Variants in OOSP2 observed in about 807,000 individuals in gnomAD.
The protein encoded by OOSP2 is oocyte-secreted protein 2.
OOSP2 carries 7 observed loss-of-function variants against 13.4 expected under a neutral mutation model. The ratio of observed to expected loss-of-function variants is 0.52; its 90% CI spans 0.30 to 0.98. OOSP2 has a LOEUF of 0.98. OOSP2 is among the 50% of genes least tolerant of loss of function. The pLI is 0.07. For synonymous variants in OOSP2, 75 were observed against 67.2 expected, an observed-to-expected ratio of 1.12 and a Z score of -0.57; for missense variants, 184 against 188.5, an observed-to-expected ratio of 0.98 and a Z score of 0.14.
In OOSP2 at chr11:60,043,490, A is replaced by G. The variant is rs779405536; in HGVS notation, c.86A>G (p.Asp29Gly). The change falls in exon 2 of 4, where the codon GAC (aspartate) becomes GGC (glycine). Residue 29 changes from aspartate (D) to glycine (G), a missense_variant. Asp to Gly is a moderately conservative substitution (Grantham distance 94). Transcript: ENST00000278855. ...ACAGTGAAAATAAGTTGCTCTCTGG[A>G]CTGGTTGATGGTCTCAGTTATCCCA... ...NLHVKISCSL[D>G]WLMVSVIPVA... 9 of 1,612,850 alleles carry G rather than the reference A, an allele frequency of 5.6e-6. No homozygotes were observed. Among genetic ancestry groups the G allele is most frequent in the Non-Finnish European group, 6.8e-6 (8 of 1,179,026 alleles).
rs1855020134 is a variant in OOSP2 at position 60,047,221 on chromosome 11, G to A, written c.*148G>A. ...CCTACTTCAGTAAAGGTCCTGATTA[G>A]TTGATTAGTGAATGTGTATTTCTAA... On this transcript the variant is annotated 3_prime_UTR_variant, in exon 4 of 4. Transcript: ENST00000278855. The A allele has an allele frequency of 3.4e-6, 2 of 589,764 alleles. No individual in the cohort carries two copies. The highest frequency in any genetic ancestry group is 3.2e-5 in the Admixed American group (1 of 31,058). 36.5% of individuals were successfully genotyped at this position (589,764 alleles called of 1,614,324 possible). A position where few individuals can be genotyped will look rare whatever the true frequency, so the allele number is the denominator to read the frequency against.
chr11:60,043,775 G>T (rs777818352), intron 2 of OOSP2, 128 bp downstream of exon 2: 2 of 552,296 alleles, frequency 3.6e-6, no homozygotes, highest in Non-Finnish European at 6.5e-6. Flanking sequence ...AGGGGACAAC[G>T]GAATTTATCA....
intron 3 of OOSP2, among the ~76,000 whole-genome samples, chr11:60,046,023 CCTCTGT>C (rs146122045): frequency 6.7e-6 from 1 of 149,998 alleles, no homozygotes; most frequent in Non-Finnish European, 1.5e-5. Context: ...TCTGCCTTTG[CCTCTGT>C]CTCTGTCTGT....
chr11:60,046,957 C>T lies in OOSP2; in HGVS notation c.361C>T (p.Leu121Phe), dbSNP rs1565056433. 1 of 1,610,774 alleles carries T rather than the reference C, an allele frequency of 6.2e-7. No homozygotes were observed. The highest frequency in any genetic ancestry group is 8.5e-7 in the Non-Finnish European group (1 of 1,177,516). ...CCTTTTCTTTAGGAAATCAGTGTGG[C>T]TTACACCAGTTTCTACTGAGAATGA... ...ECSTSRKSVW[L>F]TPVSTENEIK... is the part of the protein sequence containing the mutation. Residue 121 changes from leucine (L) to phenylalanine (F), a missense_variant, in exon 4 of 4, where the codon CTT (leucine) becomes TTT (phenylalanine). Coordinates refer to ENST00000278855, the MANE Select transcript of OOSP2 (RefSeq NM_173801.5).
Position 60,047,127 on chromosome 11 carries a change from A to C in OOSP2, c.*54A>C, listed in dbSNP as rs1855018847. On this transcript the variant is annotated 3_prime_UTR_variant, in exon 4 of 4. Coordinates refer to ENST00000278855, the MANE Select transcript of OOSP2 (RefSeq NM_173801.5). ...GGTGTTATGTATTTTGCAGGAAAACAGTTTCATTTTTTCATAGCAAAAATA... is the reference window on the plus strand; with the variant it reads ...GGTGTTATGTATTTTGCAGGAAAACCGTTTCATTTTTTCATAGCAAAAATA... 6.7e-7 allele frequency: 1 copy of C among 1,492,776 alleles called. No individual in the cohort carries two copies. The highest frequency in any genetic ancestry group is 1.3e-5 in the South Asian group (1 of 79,794). 92.5% of individuals were successfully genotyped at this position (1,492,776 alleles called of 1,614,324 possible).
At chr11:60,045,976 C>T (rs1210377344) in intron 3 of OOSP2, among the ~76,000 whole-genome samples, 1 of 152,052 alleles carries the variant, frequency 6.6e-6, no homozygotes, top group Non-Finnish European at 1.5e-5. Flanking sequence ...CCCTGTTTCT[C>T]TGGCCTGTCT....
rs1484714087 is a variant in OOSP2, at chr11:60,040,445, C to T, written c.-15C>T. 6 of 1,551,680 alleles carry T rather than the reference C, an allele frequency of 3.9e-6. No individual in the cohort carries two copies. The highest frequency in any genetic ancestry group is 1.7e-5 in the Admixed American group (1 of 59,916). On this transcript the variant is annotated 5_prime_UTR_variant, in exon 1 of 4. Transcript: ENST00000278855. ...AGTTGTCCTGTGCTGGAGGTCTGCT[C>T]AGACGAAGGTCTCCATGGCGTTAGA...
At chr11:60,046,912 C>A in intron 3 of OOSP2, 32 bp from the exon 4 acceptor site, 1 of 1,594,358 alleles carries the variant, frequency 6.3e-7, no homozygotes, top group Non-Finnish European at 8.6e-7. Context: ...AGTGCTCCAA[C>A]ACTATCTGCT....
Position 60,043,324 on chromosome 11 carries a change from T to G in OOSP2, c.65-145T>G, listed in dbSNP as rs780208710. The G allele has an allele frequency of 5.3e-4, 261 of 489,636 alleles. 1 individual carries two copies. The highest frequency in any genetic ancestry group is 1.1e-3 in the Middle Eastern group (2 of 1,844). 30.3% of individuals were successfully genotyped at this position (489,636 alleles called of 1,614,324 possible). A position where few individuals can be genotyped will look rare whatever the true frequency, so the allele number is the denominator to read the frequency against. ...TTTTGGAAAATAATTTTAATAATGT[T>G]TGTAAGAAAACCTTTAAGCCATGGT... On this transcript the variant is annotated intron_variant, in intron 1 of 3. Transcript: ENST00000278855.
At chr11:60,046,904 T>G in intron 3 of OOSP2, 40 bp from the exon 4 acceptor site, 1 of 1,577,644 alleles carries the variant, frequency 6.3e-7, no homozygotes, top group Non-Finnish European at 8.7e-7. Flanking sequence ...TGATCCCAAG[T>G]GCTCCAACAC....
At chr11:60,042,973 T>G (rs150614965) in intron 1 of OOSP2, among the ~76,000 whole-genome samples, 4 of 152,008 alleles carry the variant, frequency 2.6e-5, no homozygotes, top group South Asian at 2.1e-4. Context: ...GGCGCGATCT[T>G]GGTTCACTGC....
chr11:60,046,057 T>TC (rs1855003177), intron 3 of OOSP2, among the ~76,000 whole-genome samples: 3 of 146,298 alleles, frequency 2.1e-5, no homozygotes, highest in Non-Finnish European at 4.5e-5. Context: ...TCTCTCTGTC[T>TC]TTGTCTGTCT....
At chr11:60,041,046 A>T (rs563634190) in intron 1 of OOSP2, among the ~76,000 whole-genome samples, 3 of 152,236 alleles carry the variant, frequency 2.0e-5, no homozygotes, top group African/African-American at 7.2e-5. Context: ...GTTGCTGTCT[A>T]CAAGTTGATT....
At chr11:60,045,074 C>A (rs1287720937) in intron 3 of OOSP2, among the ~76,000 whole-genome samples, 1 of 152,188 alleles carries the variant, frequency 6.6e-6, no homozygotes, top group African/African-American at 2.4e-5. Context: ...ATTAAATACT[C>A]TGTCACCTTT....
In OOSP2 at chr11:60,047,024, C is replaced by T. The variant is rs1373509188; in HGVS notation, c.428C>T (p.Thr143Ile). The change falls in exon 4 of 4, where the codon ACA becomes ATA. Residue 143 changes from threonine to isoleucine, a missense_variant. Physicochemically the swap from Thr to Ile is moderately conservative, Grantham distance 89. Coordinates refer to ENST00000278855, the MANE Select transcript of OOSP2 (RefSeq NM_173801.5). ...AGTCCTTTTATTGCTGACTTTCAGA[C>T]AACAGCAGAAGAGTTAGGATTATTA... ...DPSPFIADFQ[T>I]TAEELGLLSS... The T allele has an allele frequency of 6.2e-7, 1 of 1,610,808 alleles. No individual in the cohort carries two copies. The highest frequency in any genetic ancestry group is 1.7e-5 in the Admixed American group (1 of 60,000).
rs1255236975 is a variant in OOSP2, at chr11:60,047,082, A to G, written c.*9A>G. ...GTCCAAACTTGCTCTGAGCTAAAGGAGAAATGGAAACTTGAAGCTGGTGTT... is the reference window on the plus strand; with the variant it reads ...GTCCAAACTTGCTCTGAGCTAAAGGGGAAATGGAAACTTGAAGCTGGTGTT... On this transcript the variant is annotated 3_prime_UTR_variant, in exon 4 of 4. Coordinates refer to ENST00000278855, the MANE Select transcript of OOSP2 (RefSeq NM_173801.5). 6 of 1,586,994 alleles carry G rather than the reference A, an allele frequency of 3.8e-6. No individual in the cohort carries two copies. The highest frequency in any genetic ancestry group is 4.3e-6 in the Non-Finnish European group (5 of 1,170,338).
In OOSP2 at chr11:60,040,651, A is replaced by C. The variant is rs1190376693; in HGVS notation, c.64+128A>C. The C allele has an allele frequency of 8.2e-5, 52 of 630,706 alleles. 1 individual carries two copies. The East Asian group carries it at 1.4e-3, about 17-fold the overall frequency. The allele number at this position is 630,706 out of a possible 1,614,324, so 39.1% of individuals were successfully genotyped here. The stretch of plus-strand genomic sequence containing the variant: ...ACTGGCTAGAAGAAGAAGCGCTTTC[A>C]GGCCAAGTAGACTTGTGTCAATATA... On this transcript the variant is annotated intron_variant, in intron 1 of 3. Transcript: ENST00000278855.
intron 1 of OOSP2, among the ~76,000 whole-genome samples, chr11:60,040,799 C>T (rs1854920495): frequency 6.6e-6 from 1 of 152,148 alleles, no homozygotes; most frequent in Non-Finnish European, 1.5e-5. Context: ...CAGGAATAGT[C>T]CTTGGCTCTC....
At position 60,044,686 on chromosome 11, in the gene OOSP2, ACT is replaced by A. The variant is rs1443544218; in HGVS notation, c.263_264del (p.Leu88ProfsTer16). ...GIRTRVVSEETLLFQTELYFT... is the reference protein window; with the variant it reads ...GIRTRVVSEEXLLFQTELYFT... The stretch of plus-strand genomic sequence containing the variant: ...GCTCTCCTAGGTAGTTTCTGAGGAA[ACT>A]CTCCTTTTTCAAACCGAGCTGTACT... On this transcript the variant is annotated frameshift_variant, in exon 3 of 4. Transcript: ENST00000278855. LOFTEE classifies it high-confidence loss of function. 3.8e-6 allele frequency: 6 copies of A among 1,569,326 alleles called. No homozygotes were observed. Among genetic ancestry groups the A allele is most frequent in the East Asian group, 2.2e-5 (1 of 44,510 alleles).
Sources: gnomAD v4.1 joint callset for allele counts (sites outside exome capture counted in the v4.1 genomes callset) on GRCh38, gnomAD v4.1.1 for gene constraint, MANE v1.5 for transcripts, NCBI Gene and HGNC (gene_info 2026-07-23, HGNC 2026-07-21) for gene names.